Variants in UGGT1 observed in about 807,000 individuals in gnomAD.
UGGT1 encodes the protein UDP-glucose glycoprotein glucosyltransferase 1.
In UGGT1, 107 loss-of-function variants were observed where a neutral mutation model predicts 203.9. The observed-to-expected ratio is 0.52, with a 90% CI of 0.45 to 0.62. The LOEUF (loss-of-function observed/expected upper bound fraction) is 0.62. Ranked by LOEUF, UGGT1 falls within the 20% of genes least tolerant of loss-of-function variation. The probability of loss-of-function intolerance (pLI) is 0.00; values close to 1 mark genes in which losing one functional copy is unlikely to be tolerated. For missense variants in UGGT1, 1,673 were observed against 1,867.2 expected (o/e 0.90, Z 1.92); for synonymous variants, 628 against 653.5 (o/e 0.96, Z 0.59).
chr2:128,147,596 T>C (rs1689750513), intron 18 of UGGT1, among the ~76,000 whole-genome samples: 1 of 152,062 alleles, frequency 6.6e-6, no homozygotes, highest in Non-Finnish European at 1.5e-5. Context: ...ACCATACTTT[T>C]TTCTTTCTGC....
intron 14 of UGGT1, among the ~76,000 whole-genome samples, chr2:128,134,424 C>T (rs1177664653): frequency 6.6e-6 from 1 of 152,168 alleles, no homozygotes; most frequent in Non-Finnish European, 1.5e-5. Flanking sequence ...CTTTATTAAG[C>T]GAGAGAATAC....
intron 13 of UGGT1, among the ~76,000 whole-genome samples, chr2:128,130,201 C>T (rs2105418163): frequency 6.8e-6 from 1 of 146,424 alleles, no homozygotes; most frequent in South Asian, 2.1e-4. Flanking sequence ...GTGGAGGTTA[C>T]AGGTAGCTGA....
chr2:128,178,407 C>A, intron 33 of UGGT1, 61 bp from the exon 34 acceptor site: 2 of 1,393,248 alleles, frequency 1.4e-6, no homozygotes, highest in Non-Finnish European at 2.0e-6. Context: ...CTCTTACTTT[C>A]AAAGGCCGTG....
rs1691291310 is a variant in UGGT1, at chr2:128,174,771, A to G, written c.3454-2A>G. 6.2e-7 allele frequency: 1 copy of G among 1,612,762 alleles called. No homozygotes were observed. The highest frequency in any genetic ancestry group is 8.5e-7 in the Non-Finnish European group (1 of 1,179,456). ...CTAACTGGACTTTTCTTCTTGTCCT[A>G]GGGCTACTTTCAGCTGAAAGCCAAC... On this transcript the variant is annotated splice_acceptor_variant, in intron 30 of 40. Transcript: ENST00000259253. LOFTEE classifies it high-confidence loss of function.
chr2:128,114,996 T>C, intron 6 of UGGT1, 128 bp from the exon 7 acceptor site: 1 of 793,318 alleles, frequency 1.3e-6, no homozygotes. Context: ...AAAAAACAAT[T>C]TAAAGATATT....
chr2:128,101,097 T>C (rs1687356488), intron 2 of UGGT1, among the ~76,000 whole-genome samples: 1 of 152,222 alleles, frequency 6.6e-6, no homozygotes, highest in Non-Finnish European at 1.5e-5. Flanking sequence ...CCTGTGGCTA[T>C]TTGTATACAG....
At chr2:128,153,175 A>G (rs2104712433) in intron 19 of UGGT1, among the ~76,000 whole-genome samples, 1 of 152,338 alleles carries the variant, frequency 6.6e-6, no homozygotes, top group South Asian at 2.1e-4. Context: ...AATGCCAACT[A>G]AACAGACAAT....
chr2:128,116,398 G>T, intron 8 of UGGT1, 55 bp downstream of exon 8: 1 of 1,153,362 alleles, frequency 8.7e-7, no homozygotes, highest in Non-Finnish European at 1.3e-6. Context: ...AAGCCTCCAG[G>T]CTTTCTTGCA....
intron 12 of UGGT1, among the ~76,000 whole-genome samples, chr2:128,128,416 A>G (rs1031265257): frequency 2.0e-5 from 3 of 150,598 alleles, no homozygotes; most frequent in Non-Finnish European, 2.9e-5. Context: ...GGTTCAAGAG[A>G]TTCTCCTGCC....
At chr2:128,122,722 A>G (rs1182699256) in intron 10 of UGGT1, among the ~76,000 whole-genome samples, 1 of 152,108 alleles carries the variant, frequency 6.6e-6, no homozygotes, top group Non-Finnish European at 1.5e-5. Context: ...CTGATGTGAG[A>G]TATTTTATAA....
chr2:128,121,555 G>A (rs34056611), intron 10 of UGGT1, among the ~76,000 whole-genome samples: 46,906 of 151,784 alleles, frequency 0.31, 8,610 homozygotes, highest in Non-Finnish European at 0.4. Context: ...ACAGACGTGC[G>A]TCACCATGCC....
At chr2:128,166,778 A>C (rs1173375005) in intron 26 of UGGT1, among the ~76,000 whole-genome samples, 3 of 152,208 alleles carry the variant, frequency 2.0e-5, no homozygotes, top group Non-Finnish European at 4.4e-5. Context: ...GCTGGCAAGT[A>C]TATACATATA....
At chr2:128,097,158 C>T (rs1245281565) in intron 1 of UGGT1, among the ~76,000 whole-genome samples, 5 of 152,114 alleles carry the variant, frequency 3.3e-5, no homozygotes, top group African/African-American at 9.7e-5. Flanking sequence ...GGGCAGATCA[C>T]GAGGTCAGGA....
Position 128,169,048 on chromosome 2 carries a change from TAAAAAAAAAAAAAAAAAAAA to T in UGGT1, c.2922-1216_2922-1197del, listed in dbSNP as rs544381740. On this transcript the variant is annotated intron_variant, in intron 26 of 40. Coordinates refer to ENST00000259253, the MANE Select transcript of UGGT1 (RefSeq NM_020120.4). Reference sequence around the variant, plus strand: ...GGGTGAATGAGCGAGACTCTGTCTTTAAAAAAAAAAAAAAAAAAAAAAAAAAAAAAAAAAAAAAAAAAAGA... The same window carrying T: ...GGGTGAATGAGCGAGACTCTGTCTTTAAAAAAAAAAAAAAAAAAAAAAAGA... 2.0e-3 allele frequency among the ~76,000 whole-genome samples: 103 copies of T among 52,564 alleles called. 4 individuals carry two copies. The highest frequency in any genetic ancestry group is 0.017 in the East Asian group (28 of 1,678). 34.5% of individuals were successfully genotyped at this position (52,564 alleles called of 152,430 possible). A position where few individuals can be genotyped will look rare whatever the true frequency, so the allele number is the denominator to read the frequency against.
intron 18 of UGGT1, among the ~76,000 whole-genome samples, chr2:128,148,208 C>T (rs558638997): frequency 6.0e-4 from 92 of 152,214 alleles, no homozygotes; most frequent in African/African-American, 2.1e-3. Context: ...ATTACAGGAG[C>T]ACACCACCAC....
intron 9 of UGGT1, 123 bp downstream of exon 9, chr2:128,120,579 G>C (rs1459997185): frequency 2.7e-6 from 2 of 730,678 alleles, no homozygotes; most frequent in Non-Finnish European, 4.7e-6. Flanking sequence ...AGATTTTAAA[G>C]ATAAGAGTGA....
At chr2:128,126,926 A>T (rs1573536647) in intron 11 of UGGT1, among the ~76,000 whole-genome samples, 1 of 151,794 alleles carries the variant, frequency 6.6e-6, no homozygotes. Flanking sequence ...CAAGTGATCC[A>T]CCTGCCTTGG....
rs75723041 is a variant in UGGT1 at position 128,107,165 on chromosome 2, T to C, written c.278-773T>C. Among the ~76,000 whole-genome samples, 279 of 151,154 alleles carry C rather than the reference T, an allele frequency of 1.8e-3. 2 individuals are homozygous for C. Among genetic ancestry groups the C allele is most frequent in the Non-Finnish European group, 1.8e-3 (121 of 67,874 alleles). On this transcript the variant is annotated intron_variant, in intron 3 of 40. Transcript: ENST00000259253. The stretch of plus-strand genomic sequence containing the variant: ...CCTTAAGTGTTTTTTACAGCAAATA[T>C]ATACATATGTATTCTTATTTCTCAT...
At chr2:128,179,684 C>T in intron 34 of UGGT1, 102 bp from the exon 35 acceptor site, 1 of 960,646 alleles carries the variant, frequency 1.0e-6, no homozygotes, top group Non-Finnish European at 1.6e-6. Flanking sequence ...TTAGTTAGCT[C>T]TGCCGTAAAG....
Sources: allele counts gnomAD v4.1 joint callset (sites outside exome capture counted in the v4.1 genomes callset), GRCh38; gene constraint gnomAD v4.1.1; transcripts MANE v1.5; gene names NCBI Gene and HGNC (gene_info 2026-07-23, HGNC 2026-07-21).